Variants in DNAJB6 observed in about 807,000 individuals in gnomAD.
DNAJB6 encodes the protein dnaJ homolog subfamily B member 6.
A neutral mutation model predicts 42.7 loss-of-function variants in DNAJB6; 16 were observed. The observed-to-expected ratio is 0.37, with a 90% CI of 0.25 to 0.57. DNAJB6 has a LOEUF of 0.57. Among genes scored for constraint, DNAJB6 ranks in the 20% least tolerant of loss-of-function variants. DNAJB6 has a pLI of 0.74. For synonymous variants in DNAJB6, 170 were observed against 163.5 expected, an observed-to-expected ratio of 1.04 and a Z score of -0.30; for missense variants, 347 against 416.8, an observed-to-expected ratio of 0.83 and a Z score of 1.46.
intron 5 of DNAJB6, chr7:157,380,229 G>A (rs190584467): frequency 1.3e-5 from 2 of 152,306 alleles, no homozygotes; most frequent in Non-Finnish European, 2.9e-5. Context: ...TTGTAGATAC[G>A]TGAGATAGAA....
At chr7:157,407,345 T>A (rs1302574021) in intron 8 of DNAJB6, among the ~76,000 whole-genome samples, 1 of 152,252 alleles carries the variant, frequency 6.6e-6, no homozygotes, top group Admixed American at 6.5e-5. Flanking sequence ...GCTGCATCGC[T>A]GTGCCCCGGG....
At chr7:157,367,931 A>G (rs1028925344) in intron 5 of DNAJB6, among the ~76,000 whole-genome samples, 4 of 152,062 alleles carry the variant, frequency 2.6e-5, no homozygotes, top group Non-Finnish European at 2.9e-5. Flanking sequence ...ACTAGCCTGA[A>G]CAACATGGTG....
intron 3 of DNAJB6, among the ~76,000 whole-genome samples, chr7:157,363,951 C>G (rs1186162582): frequency 6.6e-6 from 1 of 152,088 alleles, no homozygotes; most frequent in Admixed American, 6.6e-5. Flanking sequence ...CACACAGTGC[C>G]CCTGTCTGCT....
intron 5 of DNAJB6, among the ~76,000 whole-genome samples, chr7:157,373,911 G>T (rs1800342529): frequency 6.6e-6 from 1 of 152,174 alleles, no homozygotes; most frequent in Non-Finnish European, 1.5e-5. Flanking sequence ...GCCAGGCATG[G>T]TGGTGTACCC....
At chr7:157,410,752 A>T (rs1795945234) in intron 9 of DNAJB6, 1 of 152,080 alleles carries the variant, frequency 6.6e-6, no homozygotes, top group South Asian at 2.1e-4. Context: ...GTGCAGGAAG[A>T]CATGGATGGT....
chr7:157,408,697 C>T (rs1795857633), intron 8 of DNAJB6, among the ~76,000 whole-genome samples: 1 of 152,230 alleles, frequency 6.6e-6, no homozygotes, highest in South Asian at 2.1e-4. Context: ...GCACTCAGCA[C>T]TGGAAGTGGT....
intron 5 of DNAJB6, 124 bp downstream of exon 5, chr7:157,367,607 T>G (rs1799907342): frequency 1.5e-6 from 1 of 662,318 alleles, no homozygotes; most frequent in Non-Finnish European, 2.7e-6. Context: ...ATGCCTGTAA[T>G]CCCAGCACTT....
chr7:157,341,042 G>A (rs572518402), intron 1 of DNAJB6, among the ~76,000 whole-genome samples: 3 of 151,144 alleles, frequency 2.0e-5, no homozygotes, highest in Admixed American at 6.6e-5. Context: ...GGCTGGTCTC[G>A]AACTCCTGGC....
intron 3 of DNAJB6, among the ~76,000 whole-genome samples, chr7:157,366,108 G>A (rs1231627971): frequency 6.6e-6 from 1 of 151,830 alleles, no homozygotes; most frequent in Non-Finnish European, 1.5e-5. Context: ...CTGCCACCAC[G>A]CCTGGCTAAT....
At chr7:157,366,007 A>G (rs1415454305) in intron 3 of DNAJB6, among the ~76,000 whole-genome samples, 4 of 151,806 alleles carry the variant, frequency 2.6e-5, no homozygotes, top group Non-Finnish European at 5.9e-5. Flanking sequence ...CTGGAGTGCA[A>G]TGGCACGATC....
chr7:157,405,525 C>T (rs1014478666), intron 8 of DNAJB6, among the ~76,000 whole-genome samples: 4 of 152,184 alleles, frequency 2.6e-5, no homozygotes, highest in Admixed American at 6.5e-5. Flanking sequence ...CTGCCTTGCT[C>T]TCTGTGGGGA....
chr7:157,387,538 T>C (rs1801130768), intron 8 of DNAJB6, among the ~76,000 whole-genome samples: 1 of 152,166 alleles, frequency 6.6e-6, no homozygotes, highest in South Asian at 2.1e-4. Flanking sequence ...GTGGGATGAG[T>C]CAGTGCAGCA....
intron 8 of DNAJB6, among the ~76,000 whole-genome samples, chr7:157,403,706 C>G (rs2117182781): frequency 6.6e-6 from 1 of 152,330 alleles, no homozygotes; most frequent in East Asian, 1.9e-4. Context: ...TGCTCTCTCC[C>G]TTTAGCTGAG....
At position 157,416,122 on chromosome 7, in the gene DNAJB6, A is replaced by C. The variant is rs1584956472; in HGVS notation, c.*24A>C. 2 of 1,607,628 alleles carry C rather than the reference A, an allele frequency of 1.2e-6. No individual in the cohort carries two copies. Among genetic ancestry groups the C allele is most frequent in the Non-Finnish European group, 1.7e-6 (2 of 1,176,430 alleles). The stretch of plus-strand genomic sequence containing the variant: ...AGACCGGACTTGAGGCACGCGGTGC[A>C]CCCCCAGACGCTGGCGCTCCACCGT... On this transcript the variant is annotated 3_prime_UTR_variant, in exon 10 of 10. Coordinates refer to ENST00000262177, the MANE Select transcript of DNAJB6 (RefSeq NM_058246.4).
intron 8 of DNAJB6, among the ~76,000 whole-genome samples, chr7:157,399,667 C>T (rs1365913120): frequency 3.3e-5 from 5 of 152,114 alleles, no homozygotes; most frequent in African/African-American, 1.2e-4. Context: ...ATCTCTCTCT[C>T]TATCTGTATT....
At chr7:157,360,018 G>A (rs1361916748) in intron 2 of DNAJB6, among the ~76,000 whole-genome samples, 1 of 152,228 alleles carries the variant, frequency 6.6e-6, no homozygotes, top group Non-Finnish European at 1.5e-5. Flanking sequence ...AATGTTAACA[G>A]CCAGGCATAC....
At chr7:157,406,818 T>C (rs1207339022) in intron 8 of DNAJB6, among the ~76,000 whole-genome samples, 2 of 152,224 alleles carry the variant, frequency 1.3e-5, no homozygotes, top group Non-Finnish European at 2.9e-5. Context: ...ATTTTCAAAA[T>C]ATCAGTCTTA....
At chr7:157,393,430 T>C (rs1343094617) in intron 8 of DNAJB6, among the ~76,000 whole-genome samples, 2 of 152,264 alleles carry the variant, frequency 1.3e-5, no homozygotes, top group Non-Finnish European at 2.9e-5. Context: ...TGTGTGATTA[T>C]GTTTCTGAGA....
chr7:157,405,332 G>A (rs1244932141), intron 8 of DNAJB6, among the ~76,000 whole-genome samples: 1 of 152,210 alleles, frequency 6.6e-6, no homozygotes, highest in Non-Finnish European at 1.5e-5. Flanking sequence ...GGCCCTCTGT[G>A]TGGCGCCTGC....
Sources: gnomAD v4.1 joint callset for allele counts (sites outside exome capture counted in the v4.1 genomes callset) on GRCh38, gnomAD v4.1.1 for gene constraint, MANE v1.5 for transcripts, NCBI Gene and HGNC (gene_info 2026-07-23, HGNC 2026-07-21) for gene names.